PSMB3: variants seen among roughly 807,000 people sequenced by gnomAD.
PSMB3 encodes the protein proteasome 20S subunit beta 3.
Under a neutral mutation model 23.3 loss-of-function variants are expected in PSMB3, and 5 were observed. The ratio of observed to expected loss-of-function variants is 0.21; its 90% CI spans 0.11 to 0.45. PSMB3 has a LOEUF of 0.45. Ranked by LOEUF, PSMB3 falls within the 20% of genes least tolerant of loss-of-function variation. The pLI is 0.99. For synonymous variants in PSMB3, 85 were observed against 99.8 expected (o/e 0.85, Z 0.88); for missense variants, 192 against 277.9 (o/e 0.69, Z 2.20).
rs879653983 is a variant in PSMB3 at position 38,754,637 on chromosome 17, G to A, written c.189-1246G>A. Among the ~76,000 whole-genome samples the A allele has an allele frequency of 2.0e-5, 3 of 152,104 alleles. 1 individual carries two copies. Among genetic ancestry groups the A allele is most frequent in the South Asian group, 4.1e-4 (2 of 4,820 alleles). ...GGGGTTCCTGTCAGTGAAGTCTCCC[G>A]TGAGCCTTCCCTTCTGCAGTCACTG... On this transcript the variant is annotated intron_variant, in intron 2 of 5. Coordinates refer to ENST00000619426, the MANE Select transcript of PSMB3 (RefSeq NM_002795.4).
At chr17:38,755,702 G>GTT (rs1908162677) in intron 2 of PSMB3, among the ~76,000 whole-genome samples, 181 bp from the exon 3 acceptor site, 1 of 141,822 alleles carries the variant, frequency 7.1e-6, no homozygotes, top group African/African-American at 2.7e-5. Flanking sequence ...GTGTGTGTGT[G>GTT]TGTGTGTGTG....
chr17:38,763,195 A>G (rs1908517560), intron 5 of PSMB3, among the ~76,000 whole-genome samples: 2 of 151,994 alleles, frequency 1.3e-5, no homozygotes, highest in Non-Finnish European at 2.9e-5. Flanking sequence ...TCTACTAAAG[A>G]TACATAAAAT....
At chr17:38,756,303 C>T (rs1021653260) in intron 3 of PSMB3, among the ~76,000 whole-genome samples, 1 of 152,182 alleles carries the variant, frequency 6.6e-6, no homozygotes, top group Non-Finnish European at 1.5e-5. Context: ...TCAGCACTGG[C>T]TTCTTGGGAA....
At chr17:38,756,947 A>G (rs1448305273) in intron 3 of PSMB3, among the ~76,000 whole-genome samples, 1 of 147,784 alleles carries the variant, frequency 6.8e-6, no homozygotes, top group Non-Finnish European at 1.5e-5. Flanking sequence ...GGCTCACTGC[A>G]ATCTCCACCT....
intron 2 of PSMB3, 62 bp from the exon 3 acceptor site, chr17:38,755,821 A>T: frequency 7.1e-7 from 1 of 1,415,048 alleles, no homozygotes; most frequent in Non-Finnish European, 1.0e-6. Flanking sequence ...CCTGACCTCA[A>T]CAGGGTAGAC....
chr17:38,756,387 G>A (rs140288696), intron 3 of PSMB3, among the ~76,000 whole-genome samples: 25 of 152,266 alleles, frequency 1.6e-4, no homozygotes, highest in Non-Finnish European at 2.8e-4. Flanking sequence ...GAAACAAGGG[G>A]CCTAACTGTA....
intron 3 of PSMB3, among the ~76,000 whole-genome samples, chr17:38,757,377 G>T (rs1908248061): frequency 6.6e-6 from 1 of 151,548 alleles, no homozygotes; most frequent in African/African-American, 2.4e-5. Context: ...AAATTAGCTG[G>T]GTGTGGTGGT....
chr17:38,763,915 C>A (rs924575996), intron 5 of PSMB3, among the ~76,000 whole-genome samples: 3 of 152,318 alleles, frequency 2.0e-5, no homozygotes, highest in Middle Eastern at 3.4e-3. Flanking sequence ...CTGTTCCTAT[C>A]CCTCCTTCCT....
intron 4 of PSMB3, chr17:38,762,126 A>G: frequency 2.6e-6 from 1 of 383,494 alleles, no homozygotes; most frequent in Non-Finnish European, 4.7e-6. Flanking sequence ...TTTACAGAGA[A>G]ACTGAGGCTC....
At chr17:38,764,036 T>G (rs1005946055) in intron 5 of PSMB3, 83 bp from the exon 6 acceptor site, 14 of 1,548,828 alleles carry the variant, frequency 9.0e-6, no homozygotes, top group Non-Finnish European at 1.2e-5. Flanking sequence ...GCTTGAGGGC[T>G]TGGTGCTGAG....
chr17:38,758,670 C>T (rs1007122632), intron 3 of PSMB3, among the ~76,000 whole-genome samples: 1 of 152,142 alleles, frequency 6.6e-6, no homozygotes. Context: ...CATGGTGGCT[C>T]ATGCCTGTAA....
intron 2 of PSMB3, among the ~76,000 whole-genome samples, chr17:38,753,590 T>C (rs1258746630): frequency 6.6e-6 from 1 of 152,074 alleles, no homozygotes; most frequent in African/African-American, 2.4e-5. Flanking sequence ...GCGATTCTCG[T>C]GCCTCAGCCT....
Position 38,752,854 on chromosome 17 carries a change from G to A in PSMB3, c.3+25G>A. ...GGTGAGATGGGGAGTTAAAGCAAAG[G>A]GGCATGGGGAAGGATTGAGAAGCGG... On this transcript the variant is annotated intron_variant, in intron 1 of 5. Transcript: ENST00000619426. This position sits in a 1 kb window ranked among gnomAD's most constrained non-coding sequence, Gnocchi z 5.5. 1 of 1,613,884 alleles carries A rather than the reference G, an allele frequency of 6.2e-7. No homozygotes were observed. The highest frequency in any genetic ancestry group is 8.5e-7 in the Non-Finnish European group (1 of 1,179,956).
chr17:38,762,575 A>G, intron 5 of PSMB3, 70 bp downstream of exon 5: 1 of 1,435,736 alleles, frequency 7.0e-7, no homozygotes. Context: ...CCACGAGCAT[A>G]CACCCCATTT....
At chr17:38,762,578 C>G in intron 5 of PSMB3, 73 bp downstream of exon 5, 1 of 1,393,316 alleles carries the variant, frequency 7.2e-7, no homozygotes, top group Non-Finnish European at 1.0e-6. Flanking sequence ...CGAGCATACA[C>G]CCCATTTTCC....
At chr17:38,753,589 G>A (rs951831176) in intron 2 of PSMB3, among the ~76,000 whole-genome samples, 2 of 151,404 alleles carry the variant, frequency 1.3e-5, no homozygotes, top group Admixed American at 6.6e-5. Flanking sequence ...AGCGATTCTC[G>A]TGCCTCAGCC....
rs866428993 is a variant in PSMB3 at position 38,760,534 on chromosome 17, G to A, written c.400G>A (p.Asp134Asn). The A allele has an allele frequency of 6.2e-7, 1 of 1,614,132 alleles. No homozygotes were observed. Among genetic ancestry groups the A allele is most frequent in the African/African-American group, 1.3e-5 (1 of 74,944 alleles). The change falls in exon 4 of 6, where the codon GAT (aspartate) becomes AAT (asparagine). Residue 134 changes from aspartate (D) to asparagine (N), a missense_variant. Transcript: ENST00000619426. ...LDLIGCPMVT[D>N]DFVVSGTCAE... The stretch of plus-strand genomic sequence containing the variant: ...CCTCATCGGCTGCCCCATGGTGACT[G>A]ATGACTTTGTGGTCAGTGGCACCTG...
chr17:38,758,964 C>G (rs1038308604), intron 3 of PSMB3, among the ~76,000 whole-genome samples: 3 of 152,034 alleles, frequency 2.0e-5, no homozygotes, highest in Non-Finnish European at 4.4e-5. Context: ...GAGAATGGCT[C>G]GAACCCAGGA....
At chr17:38,763,901 G>A (rs1908563849) in intron 5 of PSMB3, among the ~76,000 whole-genome samples, 1 of 152,170 alleles carries the variant, frequency 6.6e-6, no homozygotes, top group African/African-American at 2.4e-5. Context: ...GTCGGCCCAG[G>A]TCTCTGTTCC....
Sources: gnomAD v4.1 joint callset for allele counts (sites outside exome capture counted in the v4.1 genomes callset) on GRCh38, gnomAD v4.1.1 for gene constraint, Gnocchi (gnomAD v3.1) non-coding constraint, MANE v1.5 for transcripts, NCBI Gene and HGNC (gene_info 2026-07-23, HGNC 2026-07-21) for gene names.